Variants in MKRN1 observed in about 807,000 individuals in gnomAD.
MKRN1 encodes makorin ring finger protein 1.
MKRN1 carries 9 observed loss-of-function variants against 55.5 expected under a neutral mutation model. The ratio of observed to expected loss-of-function variants is 0.16; its 90% CI spans 0.10 to 0.28. The LOEUF is 0.28. Ranked by LOEUF, MKRN1 falls within the 10% of genes least tolerant of loss-of-function variation. MKRN1 has a pLI of 1.00. For synonymous variants in MKRN1, 253 were observed against 235.9 expected, an observed-to-expected ratio of 1.07 and a Z score of -0.66; for missense variants, 488 against 626.7, an observed-to-expected ratio of 0.78 and a Z score of 2.36.
intron 2 of MKRN1, among the ~76,000 whole-genome samples, chr7:140,470,509 CAG>C (rs555760296): frequency 6.1e-4 from 93 of 151,756 alleles, no homozygotes; most frequent in African/African-American, 2.2e-3. Context: ...CGCTTGAACC[CAG>C]GAGGCGGAGG....
At chr7:140,459,491 G>A (rs1011378527) in intron 3 of MKRN1, among the ~76,000 whole-genome samples, 27 of 152,046 alleles carry the variant, frequency 1.8e-4, no homozygotes, top group African/African-American at 6.5e-4. Flanking sequence ...GTACTCGAAA[G>A]GATTCAGTTT....
chr7:140,459,810 G>A lies in MKRN1; in HGVS notation c.441C>T (p.Gly147=), dbSNP rs749407952. ...IVGPLVEMNT[G]EAESRNSNFA... is the part of the protein sequence containing the mutation. ...AGTTTGAATTTCTTGACTCAGCTTC[G>A]CCTGTATTCATTTCAACAAGTGGTC... is the stretch of plus-strand genomic sequence containing the variant. The change falls in exon 3 of 8, where the codon GGC becomes GGT. Residue 147 remains glycine (G), a synonymous_variant. Coordinates refer to ENST00000255977, the MANE Select transcript of MKRN1 (RefSeq NM_013446.4). 4 of 1,613,904 alleles carry A rather than the reference G, an allele frequency of 2.5e-6. No individual in the cohort carries two copies. Among genetic ancestry groups the A allele is most frequent in the South Asian group, 2.2e-5 (2 of 91,076 alleles).
At position 140,454,738 on chromosome 7, in the gene MKRN1, A is replaced by C; in HGVS notation, c.1237-9T>G. ...TGGTTCCTTCGTTGGGCCTGTAAAA[A>C]ACAAGGCCATGATAGGGATGGCACT... On this transcript the variant is annotated splice_polypyrimidine_tract_variant and intron_variant, in intron 7 of 7. Coordinates refer to ENST00000255977, the MANE Select transcript of MKRN1 (RefSeq NM_013446.4). 1 of 1,613,360 alleles carries C rather than the reference A, an allele frequency of 6.2e-7. No homozygotes were observed. Among genetic ancestry groups the C allele is most frequent in the Non-Finnish European group, 8.5e-7 (1 of 1,179,412 alleles).
At chr7:140,458,810 C>T (rs2130258501) in intron 4 of MKRN1, among the ~76,000 whole-genome samples, 197 bp downstream of exon 4, 1 of 152,274 alleles carries the variant, frequency 6.6e-6, no homozygotes, top group Non-Finnish European at 1.5e-5. Flanking sequence ...CACATGCCTC[C>T]ATGCCCAGTT....
At chr7:140,474,939 G>A (rs535453781) in intron 1 of MKRN1, among the ~76,000 whole-genome samples, 22 of 151,750 alleles carry the variant, frequency 1.4e-4, no homozygotes, top group Admixed American at 1.2e-3. Context: ...GGCTGGTCTC[G>A]AACTCCTGAC....
chr7:140,477,184 GAAC>G (rs1294297803), intron 1 of MKRN1, among the ~76,000 whole-genome samples: 1 of 150,242 alleles, frequency 6.7e-6, no homozygotes, highest in African/African-American at 2.5e-5. Flanking sequence ...TTGGTACCTA[GAAC>G]AACCGAAAAC....
intron 1 of MKRN1, chr7:140,478,760 T>C (rs1795197880): frequency 6.4e-6 from 1 of 155,810 alleles, no homozygotes; most frequent in Admixed American, 6.5e-5. Context: ...CGGCCTCAAG[T>C]GACCACCTCC....
chr7:140,457,459 T>TA (rs1278752374), intron 4 of MKRN1, among the ~76,000 whole-genome samples: 1 of 152,070 alleles, frequency 6.6e-6, no homozygotes, highest in African/African-American at 2.4e-5. Flanking sequence ...ATAGGAAACA[T>TA]AAAAATGCAG....
In MKRN1 at chr7:140,472,936, T is replaced by G. The variant is rs577041093; in HGVS notation, c.186-925A>C. On this transcript the variant is annotated intron_variant, in intron 1 of 7. Transcript: ENST00000255977. ...ATCAAGACCATCCTGGCTAATATGG[T>G]GAAACCCCATCTCTACTAAAAGTAC... is the stretch of plus-strand genomic sequence containing the variant. Among the ~76,000 whole-genome samples the G allele has an allele frequency of 2.5e-3, 369 of 150,540 alleles. 1 individual carries two copies. Among genetic ancestry groups the G allele is most frequent in the Non-Finnish European group, 4.3e-3 (292 of 67,630 alleles).
chr7:140,455,823 T>C lies in MKRN1; in HGVS notation c.1064A>G (p.Gln355Arg), dbSNP rs777887661. 1.2e-6 allele frequency: 2 copies of C among 1,614,006 alleles called. No individual in the cohort carries two copies. The highest frequency in any genetic ancestry group is 1.7e-6 in the Non-Finnish European group (2 of 1,179,932). ...EYWVEEKEEK[Q>R]KLILKYKEAM... is the part of the protein sequence containing the mutation. The stretch of plus-strand genomic sequence containing the variant: ...CTCCTTGTATTTCAGAATGAGTTTC[T>C]GCTTCTCTTCTTTCTCCTCCACCCA... Residue 355 changes from glutamine to arginine, a missense_variant, in exon 6 of 8, where the codon CAG becomes CGG. Physicochemically the swap from Gln to Arg is conservative, Grantham distance 43 (BLOSUM62 1). Transcript: ENST00000255977.
At chr7:140,456,483 TA>T in intron 5 of MKRN1, 168 bp downstream of exon 5, 1 of 1,434,852 alleles carries the variant, frequency 7.0e-7, no homozygotes, top group Non-Finnish European at 9.1e-7. Flanking sequence ...ATAGACCAAC[TA>T]ACCTAGAAGC....
intron 2 of MKRN1, among the ~76,000 whole-genome samples, chr7:140,468,358 T>C (rs10216203): frequency 0.27 from 40,827 of 151,906 alleles, 9,337 homozygotes; most frequent in African/African-American, 0.63. Flanking sequence ...ACCATTGCAG[T>C]GTGAAGTTCT....
chr7:140,456,199 T>TA (rs1275320657), intron 5 of MKRN1: 9 of 1,167,870 alleles, frequency 7.7e-6, no homozygotes, highest in Non-Finnish European at 9.5e-6. Flanking sequence ...TTCTTTCGTT[T>TA]AAATAAATTT....
At chr7:140,460,374 A>C (rs1284308777) in intron 2 of MKRN1, 2 of 126,618 alleles carry the variant, frequency 1.6e-5, no homozygotes, top group Non-Finnish European at 3.2e-5. Flanking sequence ...CAGTGGCGTG[A>C]TCTCAGCTCA....
Position 140,479,282 on chromosome 7 carries a change from C to G in MKRN1, c.63G>C (p.Ala21=), listed in dbSNP as rs1795220416. Residue 21 remains alanine, a synonymous_variant, in exon 1 of 8, where the codon GCG becomes GCC. Transcript: ENST00000255977. ...ATTSGAGAAA[A]TAAAASPTPI... Reference sequence around the variant, plus strand: ...GGGTGGGGGAGGCTGCTGCCGCCGTCGCCGCTGCCGCTCCTGCTCCTGATG... The same window carrying G: ...GGGTGGGGGAGGCTGCTGCCGCCGTGGCCGCTGCCGCTCCTGCTCCTGATG... The G allele has an allele frequency of 1.4e-6, 2 of 1,388,060 alleles. No homozygotes were observed. Among genetic ancestry groups the G allele is most frequent in the Non-Finnish European group, 1.9e-6 (2 of 1,070,874 alleles). The allele number at this position is 1,388,060 out of a possible 1,614,324, so 86.0% of individuals were successfully genotyped here. A position where few individuals can be genotyped will look rare whatever the true frequency, so the allele number is the denominator to read the frequency against.
rs764441476 is a variant in MKRN1, at chr7:140,459,842, T to C, written c.409A>G (p.Ile137Val). ...TTCATTTCAACAAGTGGTCCAACTA[T>C]CGATGAGAGACTTGAGGAAGCAGCA... The part of the protein sequence containing the change: ...SLAASSSLSS[I>V]VGPLVEMNTG... The change falls in exon 3 of 8, where the codon ATA (isoleucine) becomes GTA (valine). Residue 137 changes from isoleucine (I) to valine (V), a missense_variant. Ile to Val is a conservative substitution (Grantham distance 29). This residue lies in a region of MKRN1 where 210 missense variants were observed against 220.0 expected (regional missense o/e 0.95). Transcript: ENST00000255977. 6 of 1,613,888 alleles carry C rather than the reference T, an allele frequency of 3.7e-6. No individual in the cohort carries two copies. Among genetic ancestry groups the C allele is most frequent in the Non-Finnish European group, 4.2e-6 (5 of 1,179,880 alleles).
At chr7:140,468,701 CAAAAAAAA>C (rs528725182) in intron 2 of MKRN1, among the ~76,000 whole-genome samples, 11 of 32,126 alleles carry the variant, frequency 3.4e-4, no homozygotes, top group African/African-American at 1.1e-3. Flanking sequence ...CTCTGTCTCA[CAAAAAAAA>C]AAAAAAAAAA....
chr7:140,471,610 C>T (rs1220910557), intron 2 of MKRN1, among the ~76,000 whole-genome samples: 3 of 152,048 alleles, frequency 2.0e-5, no homozygotes, highest in Non-Finnish European at 2.9e-5. Flanking sequence ...GCTGGGATTA[C>T]AGACGCACAC....
chr7:140,456,565 G>C, intron 5 of MKRN1, 87 bp downstream of exon 5: 1 of 1,534,636 alleles, frequency 6.5e-7, no homozygotes, highest in Middle Eastern at 1.7e-4. Flanking sequence ...GCATTTAAAT[G>C]CGGTCCATCT....
Sources: allele counts gnomAD v4.1 joint callset (sites outside exome capture counted in the v4.1 genomes callset), GRCh38; gene constraint gnomAD v4.1.1; regional missense constraint gnomAD v4.1.1; transcripts MANE v1.5; gene names NCBI Gene and HGNC (gene_info 2026-07-23, HGNC 2026-07-21).